Variants in NIPAL2 observed in about 807,000 individuals in gnomAD.
The protein encoded by NIPAL2 is NIPA-like protein 2.
NIPAL2 carries 43 observed loss-of-function variants against 48.9 expected under a neutral mutation model. That is an observed-to-expected ratio of 0.88 (90% CI 0.69 to 1.13). NIPAL2 has a LOEUF of 1.13. Among genes scored for constraint, NIPAL2 ranks in the 50% most tolerant of loss-of-function variants. The probability of loss-of-function intolerance (pLI) is 0.00; values close to 1 mark genes in which losing one functional copy is unlikely to be tolerated. For missense variants in NIPAL2, 446 were observed against 461.4 expected (o/e 0.97, Z 0.31); for synonymous variants, 167 against 174.6 (o/e 0.96, Z 0.34).
At chr8:98,242,259 A>G (rs1380652686) in intron 3 of NIPAL2, among the ~76,000 whole-genome samples, 1 of 150,428 alleles carries the variant, frequency 6.6e-6, no homozygotes, top group Non-Finnish European at 1.5e-5. Flanking sequence ...GGCTCGCTGC[A>G]GCCTCGACCT....
intron 4 of NIPAL2, among the ~76,000 whole-genome samples, chr8:98,226,717 G>A (rs1352039323): frequency 6.6e-6 from 1 of 152,158 alleles, no homozygotes; most frequent in East Asian, 1.9e-4. Context: ...CAGACCTGAA[G>A]CCAGCACAGC....
intron 4 of NIPAL2, among the ~76,000 whole-genome samples, chr8:98,232,223 C>T: frequency 6.6e-6 from 1 of 152,064 alleles, no homozygotes; most frequent in East Asian, 1.9e-4. Context: ...GAATAGGTGA[C>T]TAAATCCTTT....
At chr8:98,214,127 G>A (rs1283952861) in intron 5 of NIPAL2, among the ~76,000 whole-genome samples, 1 of 151,512 alleles carries the variant, frequency 6.6e-6, no homozygotes, top group Non-Finnish European at 1.5e-5. Flanking sequence ...AAGAACTTTA[G>A]TGTAATTTTG....
intron 3 of NIPAL2, among the ~76,000 whole-genome samples, chr8:98,247,471 C>T (rs948383122): frequency 3.6e-4 from 54 of 151,910 alleles, no homozygotes; most frequent in Non-Finnish European, 7.4e-5. Flanking sequence ...TGTGGTTGGG[C>T]GGGCTGTGTA....
At chr8:98,265,274 G>C (rs1814640159) in intron 1 of NIPAL2, among the ~76,000 whole-genome samples, 1 of 151,698 alleles carries the variant, frequency 6.6e-6, no homozygotes, top group Non-Finnish European at 1.5e-5. Context: ...AGCCAAAATT[G>C]ACAAATAGGA....
At chr8:98,217,965 A>C (rs1024420866) in intron 5 of NIPAL2, among the ~76,000 whole-genome samples, 2 of 152,234 alleles carry the variant, frequency 1.3e-5, no homozygotes, top group Non-Finnish European at 2.9e-5. Flanking sequence ...TGAACGAATA[A>C]ATTTATTTTA....
intron 5 of NIPAL2, 122 bp from the exon 6 acceptor site, chr8:98,212,623 G>C (rs1157503547): frequency 3.4e-6 from 2 of 592,044 alleles, no homozygotes; most frequent in African/African-American, 3.7e-5. Flanking sequence ...GAGGTTCCTA[G>C]GGATGACACA....
chr8:98,194,053 AG>A, intron 10 of NIPAL2, among the ~76,000 whole-genome samples: 1 of 152,154 alleles, frequency 6.6e-6, no homozygotes. Flanking sequence ...GAAAGCTGTG[AG>A]AATGTCTCCA....
chr8:98,266,012 C>G (rs1814705758), intron 1 of NIPAL2, among the ~76,000 whole-genome samples: 2 of 150,886 alleles, frequency 1.3e-5, no homozygotes, highest in South Asian at 4.2e-4. Flanking sequence ...AAACATCATT[C>G]TCAGTAAACT....
chr8:98,267,583 G>C (rs1467660120), intron 1 of NIPAL2, among the ~76,000 whole-genome samples: 1 of 152,058 alleles, frequency 6.6e-6, no homozygotes, highest in African/African-American at 2.4e-5. Flanking sequence ...GCCTCCTAAA[G>C]TGTTAGGATT....
intron 3 of NIPAL2, 198 bp downstream of exon 3, chr8:98,252,265 A>C (rs1813630677): frequency 1.5e-5 from 8 of 532,630 alleles, no homozygotes; most frequent in South Asian, 1.2e-4. Context: ...AGAGTCACAA[A>C]ATGCAAGTTT....
At chr8:98,201,133 G>GAACA (rs990260903) in intron 8 of NIPAL2, among the ~76,000 whole-genome samples, 2 of 152,104 alleles carry the variant, frequency 1.3e-5, no homozygotes, top group African/African-American at 4.8e-5. Context: ...GCAATAAAAA[G>GAACA]AACAAACAAA....
chr8:98,276,782 C>CTT (rs59806433), intron 1 of NIPAL2, among the ~76,000 whole-genome samples: 110 of 138,554 alleles, frequency 7.9e-4, no homozygotes, highest in African/African-American at 2.8e-3. Flanking sequence ...TTTCTTTTTT[C>CTT]TTTTTTTTTT....
chr8:98,266,807 A>G (rs1814787435), intron 1 of NIPAL2, among the ~76,000 whole-genome samples: 1 of 152,184 alleles, frequency 6.6e-6, no homozygotes, highest in South Asian at 2.1e-4. Flanking sequence ...AAACAATACC[A>G]TAAGGAGTTT....
At chr8:98,234,893 G>A (rs1239742549) in intron 4 of NIPAL2, among the ~76,000 whole-genome samples, 2 of 151,772 alleles carry the variant, frequency 1.3e-5, no homozygotes, top group East Asian at 3.9e-4. Flanking sequence ...TTCCCCAAAT[G>A]ATTCTACAAA....
chr8:98,293,553 T>C (rs985200865), intron 1 of NIPAL2, among the ~76,000 whole-genome samples: 7 of 152,198 alleles, frequency 4.6e-5, no homozygotes, highest in East Asian at 1.9e-4. Context: ...GAGGTGACAT[T>C]AGGCTGCCCT....
chr8:98,209,434 C>G (rs1268884754), intron 6 of NIPAL2, among the ~76,000 whole-genome samples: 1 of 119,690 alleles, frequency 8.4e-6, no homozygotes, highest in Admixed American at 9.8e-5. Context: ...CATGGGGATA[C>G]CCTGTCTCTC....
rs182302691 is a variant in NIPAL2, at chr8:98,251,910, T to C, written c.376+553A>G. Reference sequence around the variant, plus strand: ...CCTTTTTAGCAATGATTTTTGCTCATTTTTTTCAGTCTTTCACATCTCATT... The same window carrying C: ...CCTTTTTAGCAATGATTTTTGCTCACTTTTTTCAGTCTTTCACATCTCATT... On this transcript the variant is annotated intron_variant, in intron 3 of 10. Transcript: ENST00000430223. Among the ~76,000 whole-genome samples, 105 of 152,314 alleles carry C rather than the reference T, an allele frequency of 6.9e-4. 1 individual carries two copies. Among genetic ancestry groups the C allele is most frequent in the South Asian group, 1.0e-3 (5 of 4,832 alleles).
intron 1 of NIPAL2, among the ~76,000 whole-genome samples, chr8:98,269,022 ACTC>A (rs1371224477): frequency 6.6e-6 from 1 of 152,036 alleles, no homozygotes; most frequent in African/African-American, 2.4e-5. Context: ...ATAAAAAGCA[ACTC>A]CTCCTCCATT....
Sources: allele counts gnomAD v4.1 joint callset (sites outside exome capture counted in the v4.1 genomes callset), GRCh38; gene constraint gnomAD v4.1.1; transcripts MANE v1.5; gene names NCBI Gene and HGNC (gene_info 2026-07-23, HGNC 2026-07-21).